SLC38A8: variants seen among roughly 807,000 people sequenced by gnomAD.
The protein encoded by SLC38A8 is solute carrier family 38 member 8.
Under a neutral mutation model 46.0 loss-of-function variants are expected in SLC38A8, and 65 were observed. That is an observed-to-expected ratio of 1.41 (90% CI 1.16 to 1.74). SLC38A8 has a LOEUF of 1.74. SLC38A8 is among the 40% of genes most tolerant of loss of function. The probability of loss-of-function intolerance (pLI) is 0.00; values close to 1 mark genes in which losing one functional copy is unlikely to be tolerated. For missense variants in SLC38A8, 998 were observed against 567.9 expected (o/e 1.76, Z -7.70); for synonymous variants, 447 against 243.7 (o/e 1.83, Z -7.77).
intron 5 of SLC38A8, among the ~76,000 whole-genome samples, chr16:84,030,357 C>T (rs2085223299): frequency 6.6e-6 from 1 of 152,176 alleles, no homozygotes; most frequent in Admixed American, 6.5e-5. Context: ...CCAGGGCCTC[C>T]TCATCCCCTC....
intron 5 of SLC38A8, among the ~76,000 whole-genome samples, chr16:84,031,331 A>C (rs2085235609): frequency 6.6e-6 from 1 of 152,086 alleles, no homozygotes; most frequent in Admixed American, 6.6e-5. Flanking sequence ...ATGAGCCACC[A>C]CACCCTACCT....
Position 84,017,768 on chromosome 16 carries a change from C to G in SLC38A8, c.806-481G>C, listed in dbSNP as rs115210671. Reference sequence around the variant, plus strand: ...AAGAGCGCCATTCCCTTTGCGCCAACAGGGTGACACTGCTTCTGTCACCCC... The same window carrying G: ...AAGAGCGCCATTCCCTTTGCGCCAAGAGGGTGACACTGCTTCTGTCACCCC... On this transcript the variant is annotated intron_variant, in intron 7 of 10. Transcript: ENST00000299709. Among the ~76,000 whole-genome samples, 513 of 152,300 alleles carry G rather than the reference C, an allele frequency of 3.4e-3. 5 individuals are homozygous for G. The highest frequency in any genetic ancestry group is 0.012 in the African/African-American group (493 of 41,566).
intron 6 of SLC38A8, among the ~76,000 whole-genome samples, chr16:84,027,245 G>C (rs149864231): frequency 0.029 from 4,477 of 152,258 alleles, 244 homozygotes; most frequent in African/African-American, 0.1. Context: ...AGCTACTCAA[G>C]AGGCTGAGGC....
chr16:84,029,881 CG>C (rs1336671164), intron 5 of SLC38A8, among the ~76,000 whole-genome samples: 1 of 152,130 alleles, frequency 6.6e-6, no homozygotes, highest in Non-Finnish European at 1.5e-5. Context: ...TTGGCAGGGG[CG>C]GGGGCACCCA....
chr16:84,013,424 G>GTGTTTTTTTT (rs1453015807), intron 9 of SLC38A8, among the ~76,000 whole-genome samples: 1 of 64,048 alleles, frequency 1.6e-5, no homozygotes, highest in African/African-American at 7.9e-5. Flanking sequence ...TTGTGTGTGT[G>GTGTTTTTTTT]TTTTTTTTTT....
chr16:84,023,824 G>A (rs1356427298), intron 6 of SLC38A8, among the ~76,000 whole-genome samples: 2 of 152,198 alleles, frequency 1.3e-5, no homozygotes, highest in Non-Finnish European at 2.9e-5. Flanking sequence ...AATTCGGGAG[G>A]CGGAGGTTGC....
At chr16:84,022,230 G>A (rs181839513) in intron 7 of SLC38A8, among the ~76,000 whole-genome samples, 8 of 152,318 alleles carry the variant, frequency 5.3e-5, no homozygotes, top group Admixed American at 2.0e-4. Context: ...AAAGACTGGC[G>A]TCAAGTGGCC....
At chr16:84,012,026 C>T (rs2151111063) in intron 10 of SLC38A8, among the ~76,000 whole-genome samples, 1 of 152,302 alleles carries the variant, frequency 6.6e-6, no homozygotes, top group South Asian at 2.1e-4. Context: ...GAGGCGCCTT[C>T]AGAGAGTCCA....
chr16:84,016,291 A>G (rs997895978), intron 9 of SLC38A8, among the ~76,000 whole-genome samples: 8 of 152,232 alleles, frequency 5.3e-5, no homozygotes, highest in Non-Finnish European at 1.0e-4. Context: ...TTGGGTGTGA[A>G]CACAACCAAA....
intron 9 of SLC38A8, among the ~76,000 whole-genome samples, chr16:84,015,997 A>G (rs2085020504): frequency 1.3e-5 from 2 of 152,234 alleles, no homozygotes; most frequent in Non-Finnish European, 2.9e-5. Context: ...GGTAATTTAT[A>G]AAGAAAAGAG....
intron 6 of SLC38A8, among the ~76,000 whole-genome samples, chr16:84,024,760 G>A (rs1049489932): frequency 1.6e-4 from 25 of 152,108 alleles, no homozygotes; most frequent in African/African-American, 6.0e-4. Context: ...CGCGAACTTG[G>A]CTCGCCGCAA....
rs138732860 is a variant in SLC38A8 at position 84,036,733 on chromosome 16, G to A, written c.357C>T (p.Phe119=). 4.0e-5 allele frequency: 64 copies of A among 1,614,220 alleles called. No individual in the cohort carries two copies. The highest frequency in any genetic ancestry group is 1.7e-4 in the Middle Eastern group (1 of 6,046). The change falls in exon 3 of 11, where the codon TTC becomes TTT. Residue 119 remains phenylalanine, a synonymous_variant. Transcript: ENST00000299709. ...LLNLLMISVA[F]LRVIGDQLEK... ...CCAGCTGGTCCCCGATCACCCTGAG[G>A]AAGGCCACGGAGATCATGAGCAGGT...
At chr16:84,036,484 C>G (rs1031499549) in intron 3 of SLC38A8, among the ~76,000 whole-genome samples, 4 of 152,252 alleles carry the variant, frequency 2.6e-5, no homozygotes, top group Middle Eastern at 3.2e-3. Context: ...CAGCCACAAC[C>G]TCTCTCATGC....
chr16:84,019,791 G>C (rs1432333498), intron 7 of SLC38A8, among the ~76,000 whole-genome samples: 2 of 152,206 alleles, frequency 1.3e-5, no homozygotes, highest in African/African-American at 2.4e-5. Flanking sequence ...TCTCATCCCA[G>C]AAGAGAGACT....
intron 9 of SLC38A8, 125 bp from the exon 10 acceptor site, chr16:84,013,177 T>C: frequency 9.8e-7 from 1 of 1,018,142 alleles, no homozygotes; most frequent in East Asian, 2.4e-5. Flanking sequence ...TGCCCCTGGC[T>C]CAGGCCCCCT....
At chr16:84,029,597 C>T (rs375772807) in intron 5 of SLC38A8, 46 bp from the exon 6 acceptor site, 43 of 1,586,630 alleles carry the variant, frequency 2.7e-5, no homozygotes, top group South Asian at 3.3e-5. Flanking sequence ...GGGTCACACC[C>T]GGAACAACCT....
chr16:84,015,099 C>G (rs2085009533), intron 9 of SLC38A8, among the ~76,000 whole-genome samples: 1 of 152,120 alleles, frequency 6.6e-6, no homozygotes, highest in African/African-American at 2.4e-5. Context: ...AGCTCGATGT[C>G]TGTTTGGCAT....
At chr16:84,036,656 G>C (rs760466166) in intron 3 of SLC38A8, 46 bp downstream of exon 3, 1 of 1,606,300 alleles carries the variant, frequency 6.2e-7, no homozygotes, top group South Asian at 1.1e-5. Context: ...GAGGTCATTA[G>C]AGGTCCGGCA....
At chr16:84,017,053 C>T (rs977520413) in intron 8 of SLC38A8, 87 bp downstream of exon 8, 40 of 1,530,648 alleles carry the variant, frequency 2.6e-5, no homozygotes, top group Admixed American at 6.0e-5. Flanking sequence ...GTCCCACAGC[C>T]GCGTAGCCCA....
Sources: gnomAD v4.1 joint callset for allele counts (sites outside exome capture counted in the v4.1 genomes callset) on GRCh38, gnomAD v4.1.1 for gene constraint, MANE v1.5 for transcripts, NCBI Gene and HGNC (gene_info 2026-07-23, HGNC 2026-07-21) for gene names.